Variants in CTNNA3 observed in about 807,000 individuals in gnomAD.
CTNNA3 encodes catenin alpha 3, also known as catenin alpha-3.
Under a neutral mutation model 95.7 loss-of-function variants are expected in CTNNA3, and 76 were observed. The observed-to-expected ratio is 0.79, with a 90% CI of 0.66 to 0.96. The LOEUF (loss-of-function observed/expected upper bound fraction) is 0.96. Among genes scored for constraint, CTNNA3 ranks in the 40% least tolerant of loss-of-function variants. The pLI, the probability that CTNNA3 is intolerant of heterozygous loss-of-function variation, is 0.00. For missense variants in CTNNA3, 1,191 were observed against 1,089.8 expected, an observed-to-expected ratio of 1.09 and a Z score of -1.31; for synonymous variants, 431 against 374.4, an observed-to-expected ratio of 1.15 and a Z score of -1.74.
At chr10:67,671,960 G>T (rs1369728004) in intron 1 of CTNNA3, among the ~76,000 whole-genome samples, 1 of 151,962 alleles carries the variant, frequency 6.6e-6, no homozygotes, top group Non-Finnish European at 1.5e-5. Flanking sequence ...GGTTGAACTA[G>T]TTTACAGTCC....
At chr10:66,477,765 C>T (rs1458870057) in intron 11 of CTNNA3, among the ~76,000 whole-genome samples, 2 of 152,104 alleles carry the variant, frequency 1.3e-5, no homozygotes, top group African/African-American at 2.4e-5. Context: ...CAAATACTCA[C>T]ATAAAATATT....
At chr10:67,510,688 G>A (rs563709798) in intron 5 of CTNNA3, among the ~76,000 whole-genome samples, 2 of 152,170 alleles carry the variant, frequency 1.3e-5, no homozygotes, top group South Asian at 4.2e-4. Context: ...CTCTTTTTTG[G>A]TTCTGTATGA....
chr10:67,361,480 C>T (rs1407747253), intron 5 of CTNNA3, among the ~76,000 whole-genome samples: 1 of 152,110 alleles, frequency 6.6e-6, no homozygotes, highest in Non-Finnish European at 1.5e-5. Context: ...ATCCCAAAAC[C>T]ACACAATTAC....
At chr10:66,726,969 T>G (rs931772227) in intron 9 of CTNNA3, among the ~76,000 whole-genome samples, 1 of 152,028 alleles carries the variant, frequency 6.6e-6, no homozygotes, top group African/African-American at 2.4e-5. Flanking sequence ...ATGTCAACAA[T>G]AAGGCTGATA....
intron 13 of CTNNA3, among the ~76,000 whole-genome samples, chr10:66,219,332 G>C (rs567385223): frequency 7.9e-5 from 12 of 152,186 alleles, no homozygotes; most frequent in Middle Eastern, 3.4e-3. Flanking sequence ...GCCCCAAAAT[G>C]GCTCCCAGTG....
chr10:67,688,010 G>A (rs920990129), intron 1 of CTNNA3, among the ~76,000 whole-genome samples: 6 of 152,088 alleles, frequency 3.9e-5, no homozygotes, highest in African/African-American at 1.4e-4. Context: ...TAAGATACCA[G>A]GTATCTCCAA....
At chr10:67,651,854 G>T (rs1240271132) in intron 1 of CTNNA3, among the ~76,000 whole-genome samples, 1 of 152,104 alleles carries the variant, frequency 6.6e-6, no homozygotes, top group East Asian at 1.9e-4. Flanking sequence ...TACAAATTAG[G>T]TTTTTAGTTT....
intron 13 of CTNNA3, among the ~76,000 whole-genome samples, chr10:66,163,645 G>A (rs2084968419): frequency 6.6e-6 from 1 of 152,046 alleles, no homozygotes; most frequent in Non-Finnish European, 1.5e-5. Flanking sequence ...TCTTGCAGTT[G>A]ATTTCACTTC....
At chr10:66,524,311 G>T (rs1156974540) in intron 10 of CTNNA3, among the ~76,000 whole-genome samples, 1 of 152,078 alleles carries the variant, frequency 6.6e-6, no homozygotes, top group Non-Finnish European at 1.5e-5. Flanking sequence ...ATTCATCTTT[G>T]CTTCTTGGTA....
chr10:66,490,761 C>G (rs1157538855), intron 11 of CTNNA3, among the ~76,000 whole-genome samples: 1 of 152,078 alleles, frequency 6.6e-6, no homozygotes, highest in Non-Finnish European at 1.5e-5. Flanking sequence ...GTGTGTAGTT[C>G]GCATCTTCTC....
chr10:66,683,805 G>A (rs1241303147), intron 9 of CTNNA3, among the ~76,000 whole-genome samples: 3 of 152,046 alleles, frequency 2.0e-5, no homozygotes, highest in Admixed American at 1.3e-4. Flanking sequence ...TTGTATTTTG[G>A]GCTGGTTTGA....
At chr10:66,806,926 T>C (rs1245209059) in intron 7 of CTNNA3, among the ~76,000 whole-genome samples, 1 of 151,888 alleles carries the variant, frequency 6.6e-6, no homozygotes, top group Admixed American at 6.6e-5. Flanking sequence ...GACATCTATG[T>C]TGATAGAAAC....
At chr10:66,610,885 TA>T (rs1308943606) in intron 10 of CTNNA3, among the ~76,000 whole-genome samples, 1 of 152,088 alleles carries the variant, frequency 6.6e-6, no homozygotes, top group Admixed American at 6.6e-5. Context: ...TTAATGAACC[TA>T]AGTGTTCATT....
chr10:67,627,284 T>C (rs1483126833), intron 2 of CTNNA3, among the ~76,000 whole-genome samples: 1 of 152,110 alleles, frequency 6.6e-6, no homozygotes, highest in African/African-American at 2.4e-5. Context: ...ATATTAGGTG[T>C]GCAAATCCAG....
At chr10:67,539,387 G>T in intron 4 of CTNNA3, 116 bp downstream of exon 4, 1 of 1,069,960 alleles carries the variant, frequency 9.3e-7, no homozygotes, top group South Asian at 1.5e-5. Flanking sequence ...GCTTCTGAAG[G>T]GGTGATGTTA....
rs143969199 is a variant in CTNNA3 at position 67,633,286 on chromosome 10, T to C, written c.99+14129A>G. 5.9e-4 allele frequency among the ~76,000 whole-genome samples: 90 copies of C among 152,204 alleles called. 2 individuals are homozygous for C. The highest frequency in any genetic ancestry group is 2.0e-3 in the African/African-American group (85 of 41,556). On this transcript the variant is annotated intron_variant, in intron 2 of 17. Coordinates refer to ENST00000433211, the MANE Select transcript of CTNNA3 (RefSeq NM_013266.4). Reference sequence around the variant, plus strand: ...TTGCCACACCATCTCTGTGGTTCAGTGGACTCAGCCATTCTAGCCTGCCAG... The same window carrying C: ...TTGCCACACCATCTCTGTGGTTCAGCGGACTCAGCCATTCTAGCCTGCCAG...
intron 17 of CTNNA3, among the ~76,000 whole-genome samples, chr10:65,941,860 A>T (rs943699970): frequency 6.6e-6 from 1 of 152,216 alleles, no homozygotes; most frequent in Admixed American, 6.5e-5. Context: ...GGGAGAAAAA[A>T]AAATGGGGTA....
chr10:66,346,244 T>TAG (rs1414198702), intron 12 of CTNNA3, among the ~76,000 whole-genome samples: 49 of 9,022 alleles, frequency 5.4e-3, no homozygotes, highest in African/African-American at 0.016. Context: ...TATATATATA[T>TAG]ATAGAGAGAG....
intron 9 of CTNNA3, among the ~76,000 whole-genome samples, chr10:66,664,010 A>G (rs1846354171): frequency 6.6e-6 from 1 of 152,084 alleles, no homozygotes; most frequent in Non-Finnish European, 1.5e-5. Flanking sequence ...TTCCCTTAAT[A>G]TAAGATTAGA....
Sources: gnomAD v4.1 joint callset for allele counts (sites outside exome capture counted in the v4.1 genomes callset) on GRCh38, gnomAD v4.1.1 for gene constraint, MANE v1.5 for transcripts, NCBI Gene and HGNC (gene_info 2026-07-23, HGNC 2026-07-21) for gene names.